ANXA8: variants seen among roughly 807,000 people sequenced by gnomAD.
ANXA8 encodes the protein VAC-beta.
Under a neutral mutation model 26.8 loss-of-function variants are expected in ANXA8, and 9 were observed. That is an observed-to-expected ratio of 0.34 (90% confidence interval 0.20 to 0.59). ANXA8 has a LOEUF of 0.59. Among genes scored for constraint, ANXA8 ranks in the 20% least tolerant of loss-of-function variants. The pLI, the probability that ANXA8 is intolerant of heterozygous loss-of-function variation, is 0.84. For missense variants in ANXA8, 83 were observed against 238.5 expected (o/e 0.35, Z 4.29); for synonymous variants, 39 against 94.8 (o/e 0.41, Z 3.42).
the ANXA8 span, among the ~76,000 whole-genome samples, chr10:47,613,005 T>C: frequency 5.3e-5 from 4 of 75,288 alleles, 1 homozygote; most frequent in African/African-American, 1.5e-4. Flanking sequence ...TAGAATTGGC[T>C]GTTTAGATTC....
chr10:47,684,693 C>T, the ANXA8 span, among the ~76,000 whole-genome samples: 9 of 151,866 alleles, frequency 5.9e-5, no homozygotes, highest in East Asian at 1.8e-3. Flanking sequence ...TCAAGCGATT[C>T]TCCTGCCTCA....
chr10:47,744,807 A>G, the ANXA8 span, among the ~76,000 whole-genome samples: 1 of 151,886 alleles, frequency 6.6e-6, no homozygotes, highest in Non-Finnish European at 1.5e-5. Flanking sequence ...CTGGGATAAA[A>G]TCTAGGGCAT....
chr10:47,777,903 T>C, the ANXA8 span, among the ~76,000 whole-genome samples: 1 of 151,544 alleles, frequency 6.6e-6, no homozygotes, highest in African/African-American at 2.4e-5. Context: ...TACAGGCACA[T>C]GCCACCACAC....
chr10:47,653,596 A>C, the ANXA8 span, among the ~76,000 whole-genome samples: 2 of 150,312 alleles, frequency 1.3e-5, no homozygotes, highest in Non-Finnish European at 2.9e-5. Flanking sequence ...GAGTTGAGTA[A>C]ATGAAGCTAG....
chr10:47,980,248 A>T, the ANXA8 span, among the ~76,000 whole-genome samples: 4,234 of 150,868 alleles, frequency 0.028, no homozygotes, highest in African/African-American at 0.097. Context: ...ATCACAACAT[A>T]TCAAAGTGTA....
chr10:47,535,960 T>C, the ANXA8 span, among the ~76,000 whole-genome samples: 2 of 2,416 alleles, frequency 8.3e-4, no homozygotes, highest in African/African-American at 4.9e-3. Context: ...AGCACCTTAT[T>C]AAAGGCACAA....
the ANXA8 span, chr10:47,564,979 C>A: frequency 2.6e-6 from 3 of 1,134,986 alleles, no homozygotes; most frequent in Non-Finnish European, 2.7e-6. Flanking sequence ...TGTCCAGCTG[C>A]CAAGTCATCG....
At chr10:47,763,776 G>A in the ANXA8 span, among the ~76,000 whole-genome samples, 2 of 148,774 alleles carry the variant, frequency 1.3e-5, no homozygotes, top group African/African-American at 4.9e-5. Context: ...CTGTGGTGCA[G>A]GGGAGTGTGT....
chr10:47,969,999 A>C, the ANXA8 span: 9 of 151,282 alleles, frequency 5.9e-5, 1 homozygote, highest in Non-Finnish European at 1.0e-4. Flanking sequence ...TATAAGCTTA[A>C]ATTTCAGTGA....
the ANXA8 span, among the ~76,000 whole-genome samples, chr10:47,766,298 C>T: frequency 1.5e-5 from 1 of 68,944 alleles, no homozygotes; most frequent in African/African-American, 6.1e-5. Context: ...TGCCCTGGTC[C>T]TGCAGACCAG....
the ANXA8 span, among the ~76,000 whole-genome samples, chr10:47,940,512 T>G: frequency 0.013 from 1,914 of 145,708 alleles, 85 homozygotes; most frequent in Non-Finnish European, 0.02. Flanking sequence ...CCTAGGGGAA[T>G]GGGGCTTGTC....
chr10:47,696,966 G>T, the ANXA8 span, among the ~76,000 whole-genome samples: 1 of 151,410 alleles, frequency 6.6e-6, no homozygotes, highest in Non-Finnish European at 1.5e-5. Flanking sequence ...AGACAGCTGT[G>T]GTTTGAATCC....
chr10:47,548,608 C>CT, the ANXA8 span, among the ~76,000 whole-genome samples: 2 of 67,270 alleles, frequency 3.0e-5, 1 homozygote, highest in African/African-American at 1.1e-4. Context: ...GCCTTTTTTT[C>CT]TTTTTTTCTT....
chr10:47,744,340 G>A, the ANXA8 span, among the ~76,000 whole-genome samples: 1 of 146,492 alleles, frequency 6.8e-6, no homozygotes, highest in Non-Finnish European at 1.5e-5. Flanking sequence ...TCTAGCTGTG[G>A]GACCCTGAGA....
At position 47,474,867 on chromosome 10, in the gene ANXA8, G is replaced by A; in HGVS notation, c.552+78C>T. 3 of 1,501,754 alleles carry A rather than the reference G, an allele frequency of 2.0e-6. No individual in the cohort carries two copies. The Admixed American group carries it at 5.5e-5, about 28-fold the overall frequency. The allele number at this position is 1,501,754 out of a possible 1,614,324, so 93.0% of individuals were successfully genotyped here. On this transcript the variant is annotated intron_variant, in intron 7 of 11. Coordinates refer to ENST00000585281, the MANE Select transcript of ANXA8 (RefSeq NM_001040084.3). ...GGGTGGGTCCCAGCCCAGTGTCAGAGAAAGCCCCCGTGGGCAGAGGAGCCG... is the reference window on the plus strand; with the variant it reads ...GGGTGGGTCCCAGCCCAGTGTCAGAAAAAGCCCCCGTGGGCAGAGGAGCCG...
chr10:47,740,948 C>T, the ANXA8 span, among the ~76,000 whole-genome samples: 3 of 151,846 alleles, frequency 2.0e-5, no homozygotes, highest in Non-Finnish European at 4.4e-5. Flanking sequence ...CAAAGTTGTG[C>T]AGTTTTACAC....
chr10:47,765,938 C>T, the ANXA8 span, among the ~76,000 whole-genome samples: 5 of 149,596 alleles, frequency 3.3e-5, no homozygotes, highest in Admixed American at 1.3e-4. Context: ...CCCCTCCCAC[C>T]CTCCTTCTCC....
chr10:47,940,903 G>A, the ANXA8 span, among the ~76,000 whole-genome samples: 2 of 141,804 alleles, frequency 1.4e-5, no homozygotes, highest in East Asian at 2.2e-4. Context: ...AGAAAGAGAG[G>A]GAGAGAGAGA....
the ANXA8 span, among the ~76,000 whole-genome samples, chr10:47,899,570 C>T: frequency 1.9e-5 from 1 of 53,342 alleles, no homozygotes; most frequent in Non-Finnish European, 3.6e-5. Context: ...AGTGCAGTGG[C>T]ACGATCTCAG....
Sources: allele counts gnomAD v4.1 joint callset (sites outside exome capture counted in the v4.1 genomes callset), GRCh38; gene constraint gnomAD v4.1.1; transcripts MANE v1.5; gene names NCBI Gene and HGNC (gene_info 2026-07-23, HGNC 2026-07-21).